Variants in ADARB2 observed in about 807,000 individuals in gnomAD.
ADARB2 encodes adenosine deaminase RNA specific B2 (inactive), also known as inactive double-stranded RNA-specific editase B2.
A neutral mutation model predicts 62.2 loss-of-function variants in ADARB2; 25 were observed. The observed-to-expected ratio is 0.40, with a 90% CI of 0.29 to 0.56. The LOEUF is 0.56. Among genes scored for constraint, ADARB2 ranks in the 20% least tolerant of loss-of-function variants. The pLI is 0.43. For synonymous variants in ADARB2, 572 were observed against 500.8 expected, an observed-to-expected ratio of 1.14 and a Z score of -1.90; for missense variants, 1,071 against 1,077.4, an observed-to-expected ratio of 0.99 and a Z score of 0.08.
intron 3 of ADARB2, among the ~76,000 whole-genome samples, chr10:1,293,227 G>GGGGAGGGAGAGAGGGAGA (rs1831491178): frequency 9.4e-6 from 1 of 106,108 alleles, no homozygotes; most frequent in African/African-American, 3.8e-5. Flanking sequence ...AGAGAGGGAC[G>GGGGAGGGAGAGAGGGAGA]GGGAGGGAGA....
chr10:1,244,649 G>A (rs555755343), intron 4 of ADARB2, among the ~76,000 whole-genome samples: 22 of 152,320 alleles, frequency 1.4e-4, no homozygotes, highest in Admixed American at 1.3e-3. Context: ...AGCCTGGACC[G>A]AGGGAGATGA....
intron 1 of ADARB2, among the ~76,000 whole-genome samples, chr10:1,457,664 T>C (rs1346695662): frequency 6.6e-6 from 1 of 152,156 alleles, no homozygotes; most frequent in Non-Finnish European, 1.5e-5. Flanking sequence ...GTTCCCACAG[T>C]GACAGAAGGC....
chr10:1,449,026 T>C (rs1200193635), intron 1 of ADARB2, among the ~76,000 whole-genome samples: 1 of 151,974 alleles, frequency 6.6e-6, no homozygotes, highest in Non-Finnish European at 1.5e-5. Flanking sequence ...GAGAAAAGGG[T>C]TCTGGGTAAT....
chr10:1,489,316 C>G (rs7916676), intron 1 of ADARB2, among the ~76,000 whole-genome samples: 3 of 141,444 alleles, frequency 2.1e-5, no homozygotes, highest in South Asian at 2.2e-4. Context: ...GACAGTGCCT[C>G]TCTGGGAGCT....
rs145883679 is a variant in ADARB2 at position 1,274,710 on chromosome 10, G to A, written c.1078-3641C>T. Among the ~76,000 whole-genome samples, 41 of 152,310 alleles carry A rather than the reference G, an allele frequency of 2.7e-4. 1 individual carries two copies. The South Asian group carries it at 7.7e-3, about 28-fold the overall frequency. On this transcript the variant is annotated intron_variant, in intron 3 of 9. Transcript: ENST00000381312. ...CAACAGGGACTCATTCTGAGCAGGC[G>A]CGGTACCTGCCCAGGAAGGTGCCAA...
intron 1 of ADARB2, among the ~76,000 whole-genome samples, chr10:1,521,325 G>A (rs1463875404): frequency 6.6e-6 from 1 of 152,128 alleles, no homozygotes; most frequent in East Asian, 1.9e-4. Flanking sequence ...TGTGGATTCG[G>A]ACTCAGCTCC....
intron 1 of ADARB2, among the ~76,000 whole-genome samples, chr10:1,476,061 G>A (rs1344137995): frequency 6.6e-6 from 1 of 152,214 alleles, no homozygotes; most frequent in Non-Finnish European, 1.5e-5. Context: ...CATTTTGAAG[G>A]TGGGAAATTG....
chr10:1,635,824 C>T (rs1354055386), intron 1 of ADARB2, among the ~76,000 whole-genome samples: 1 of 152,232 alleles, frequency 6.6e-6, no homozygotes, highest in African/African-American at 2.4e-5. Flanking sequence ...GACACCTCCT[C>T]ACTCTATCCC....
intron 1 of ADARB2, among the ~76,000 whole-genome samples, chr10:1,484,908 A>C (rs551091969): frequency 6.6e-6 from 1 of 152,208 alleles, no homozygotes; most frequent in East Asian, 1.9e-4. Flanking sequence ...GTGCACTTGT[A>C]GGTAGGTGTG....
At chr10:1,668,487 G>C (rs1287495504) in intron 1 of ADARB2, among the ~76,000 whole-genome samples, 4 of 152,174 alleles carry the variant, frequency 2.6e-5, no homozygotes, top group African/African-American at 9.7e-5. Context: ...GGATTCGTGT[G>C]TGGTTTTCCA....
chr10:1,357,235 C>A (rs1832204595), intron 3 of ADARB2, among the ~76,000 whole-genome samples: 1 of 152,172 alleles, frequency 6.6e-6, no homozygotes, highest in Non-Finnish European at 1.5e-5. Flanking sequence ...TGGTTTCTAG[C>A]CAGAGGGGAC....
intron 1 of ADARB2, among the ~76,000 whole-genome samples, chr10:1,575,641 C>T (rs1282101220): frequency 6.6e-6 from 1 of 152,200 alleles, no homozygotes; most frequent in Non-Finnish European, 1.5e-5. Context: ...TCCTCAGCCT[C>T]CTCCCCACCT....
At position 1,301,011 on chromosome 10, in the gene ADARB2, G is replaced by A. The variant is rs189806344; in HGVS notation, c.1078-29942C>T. ...GTGTCCACTCTATTGCCGGACCGTG[G>A]TGTCATCTCCCACTTAAAAACCACT... is the stretch of plus-strand genomic sequence containing the variant. On this transcript the variant is annotated intron_variant, in intron 3 of 9. Coordinates refer to ENST00000381312, the MANE Select transcript of ADARB2 (RefSeq NM_018702.4). Among the ~76,000 whole-genome samples the A allele has an allele frequency of 9.2e-5, 14 of 152,288 alleles. No individual in the cohort carries two copies. The East Asian group carries it at 1.3e-3, about 15-fold the overall frequency.
At chr10:1,581,699 C>T (rs1178682058) in intron 1 of ADARB2, among the ~76,000 whole-genome samples, 1 of 152,070 alleles carries the variant, frequency 6.6e-6, no homozygotes, top group Non-Finnish European at 1.5e-5. Context: ...TAGATATAGA[C>T]AGAGAATGTA....
intron 1 of ADARB2, among the ~76,000 whole-genome samples, chr10:1,723,999 C>T (rs1048619502): frequency 2.0e-5 from 3 of 152,274 alleles, no homozygotes; most frequent in South Asian, 2.1e-4. Flanking sequence ...AAAATGTTTC[C>T]GAAGGTGAAT....
At chr10:1,366,645 A>C (rs1334548281) in intron 2 of ADARB2, among the ~76,000 whole-genome samples, 2 of 151,970 alleles carry the variant, frequency 1.3e-5, no homozygotes, top group African/African-American at 4.8e-5. Flanking sequence ...GCATCGGATC[A>C]CCCTCGTCTG....
intron 1 of ADARB2, among the ~76,000 whole-genome samples, chr10:1,433,528 C>G (rs1036508169): frequency 6.6e-6 from 1 of 152,144 alleles, no homozygotes; most frequent in African/African-American, 2.4e-5. Context: ...CAGATGCGGA[C>G]GTTCAGGTGG....
chr10:1,501,141 G>A (rs1831763752), intron 1 of ADARB2, among the ~76,000 whole-genome samples: 2 of 152,180 alleles, frequency 1.3e-5, no homozygotes, highest in Admixed American at 6.5e-5. Flanking sequence ...CCAAAGTGCT[G>A]GGATTATAGG....
At position 1,179,629 on chromosome 10, in the gene ADARB2, A is replaced by G. The variant is rs1377187413; in HGVS notation, c.*3564T>C. Reference sequence around the variant, plus strand: ...AACCAGGCCGGAAACCACATTGCTGATCTTCCTGATGGGAAAGCAGTGTGT... The same window carrying G: ...AACCAGGCCGGAAACCACATTGCTGGTCTTCCTGATGGGAAAGCAGTGTGT... On this transcript the variant is annotated 3_prime_UTR_variant, in exon 10 of 10. Transcript: ENST00000381312. 6.6e-6 allele frequency: 1 copy of G among 152,248 alleles called. No individual in the cohort carries two copies. Among genetic ancestry groups the G allele is most frequent in the South Asian group, 2.1e-4 (1 of 4,838 alleles). The allele number at this position is 152,248 out of a possible 1,614,324, so 9.4% of individuals were successfully genotyped here.
Sources: gnomAD v4.1 joint callset for allele counts (sites outside exome capture counted in the v4.1 genomes callset) on GRCh38, gnomAD v4.1.1 for gene constraint, MANE v1.5 for transcripts, NCBI Gene and HGNC (gene_info 2026-07-23, HGNC 2026-07-21) for gene names.